FAM222A: variants seen among roughly 807,000 people sequenced by gnomAD.
FAM222A encodes the protein protein FAM222A.
A neutral mutation model predicts 25.8 loss-of-function variants in FAM222A; 7 were observed. That is an observed-to-expected ratio of 0.27 (90% CI 0.15 to 0.51). The LOEUF is 0.51. Ranked by LOEUF, FAM222A falls within the 20% of genes least tolerant of loss-of-function variation. The pLI, the probability that FAM222A is intolerant of heterozygous loss-of-function variation, is 0.97. For missense variants in FAM222A, 573 were observed against 640.5 expected (o/e 0.89, Z 1.14); for synonymous variants, 294 against 298.8 (o/e 0.98, Z 0.17).
intron 1 of FAM222A, among the ~76,000 whole-genome samples, chr12:109,726,333 C>T (rs1764794007): frequency 6.6e-6 from 1 of 152,076 alleles, no homozygotes; most frequent in Non-Finnish European, 1.5e-5. Flanking sequence ...CCTGCTGGGG[C>T]CTGGGGACAT....
intron 2 of FAM222A, among the ~76,000 whole-genome samples, chr12:109,755,488 C>CCAGCT (rs1888700068): frequency 6.6e-6 from 1 of 151,562 alleles, no homozygotes. Flanking sequence ...GCCACCATGG[C>CCAGCT]CAGCTAATTT....
chr12:109,750,426 G>C (rs1461874158), intron 2 of FAM222A, among the ~76,000 whole-genome samples: 1 of 152,202 alleles, frequency 6.6e-6, no homozygotes, highest in Non-Finnish European at 1.5e-5. Context: ...AGCACTTTGG[G>C]AGGCCAAGGT....
At chr12:109,719,866 A>C (rs745629763) in intron 1 of FAM222A, among the ~76,000 whole-genome samples, 4 of 152,180 alleles carry the variant, frequency 2.6e-5, no homozygotes, top group Non-Finnish European at 5.9e-5. Context: ...GGGGCCAGCT[A>C]AGATCCCAGT....
intron 1 of FAM222A, among the ~76,000 whole-genome samples, chr12:109,737,112 C>G (rs1799112424): frequency 6.6e-6 from 1 of 152,060 alleles, no homozygotes; most frequent in Non-Finnish European, 1.5e-5. Flanking sequence ...CCCTCAGGAA[C>G]CCGGACTCCA....
intron 2 of FAM222A, among the ~76,000 whole-genome samples, chr12:109,747,422 G>T (rs909352085): frequency 6.6e-6 from 1 of 152,110 alleles, no homozygotes; most frequent in Non-Finnish European, 1.5e-5. Flanking sequence ...ATTTGGTAGA[G>T]GTTGTTGCTC....
chr12:109,756,692 A>G (rs1248254745), intron 2 of FAM222A, among the ~76,000 whole-genome samples: 5 of 152,172 alleles, frequency 3.3e-5, no homozygotes, highest in Admixed American at 2.0e-4. Context: ...CATTCCTGGG[A>G]TAAGTCCCAC....
At chr12:109,744,301 C>A in intron 2 of FAM222A, 73 bp downstream of exon 2, 1 of 1,531,476 alleles carries the variant, frequency 6.5e-7, no homozygotes, top group Non-Finnish European at 8.8e-7. Context: ...CCCAGGATGT[C>A]CACCTACCAT....
chr12:109,733,447 G>A (rs1323665843), intron 1 of FAM222A, among the ~76,000 whole-genome samples: 1 of 151,760 alleles, frequency 6.6e-6, no homozygotes, highest in Non-Finnish European at 1.5e-5. Context: ...TGTCACCCAG[G>A]CTGGAGTGCA....
At chr12:109,722,786 G>A (rs902703322) in intron 1 of FAM222A, 2 of 152,248 alleles carry the variant, frequency 1.3e-5, no homozygotes, top group East Asian at 3.8e-4. Context: ...ATGAAGGTTC[G>A]TGACCATTTT....
chr12:109,755,078 C>G (rs755368136), intron 2 of FAM222A, among the ~76,000 whole-genome samples: 1 of 152,128 alleles, frequency 6.6e-6, no homozygotes, highest in Non-Finnish European at 1.5e-5. Context: ...AATATTTTCT[C>G]CCATTCTGGA....
chr12:109,755,430 G>A (rs1007631134), intron 2 of FAM222A, among the ~76,000 whole-genome samples: 2 of 150,564 alleles, frequency 1.3e-5, no homozygotes, highest in African/African-American at 4.9e-5. Flanking sequence ...CCGAGTTCAA[G>A]TGATTCTCCT....
At chr12:109,743,988 C>T in intron 1 of FAM222A, 113 bp from the exon 2 acceptor site, 3 of 1,424,586 alleles carry the variant, frequency 2.1e-6, no homozygotes, top group African/African-American at 1.4e-5. Flanking sequence ...TGGGTGTCTG[C>T]TTTGAGAGTC....
intron 1 of FAM222A, among the ~76,000 whole-genome samples, chr12:109,717,799 C>G (rs996815024): frequency 1.3e-5 from 2 of 152,228 alleles, no homozygotes; most frequent in African/African-American, 4.8e-5. Context: ...ATCCTTCTCA[C>G]TTATCTAATT....
intron 2 of FAM222A, among the ~76,000 whole-genome samples, chr12:109,756,408 T>TTTTTTTTTTA (rs1888728923): frequency 8.4e-6 from 1 of 118,392 alleles, no homozygotes; most frequent in African/African-American, 2.9e-5. Flanking sequence ...TTTTTTTTTT[T>TTTTTTTTTTA]TGTCTAATTG....
At chr12:109,728,206 G>A (rs1356932019) in intron 1 of FAM222A, among the ~76,000 whole-genome samples, 2 of 152,152 alleles carry the variant, frequency 1.3e-5, no homozygotes. Flanking sequence ...GGTCGTGGGT[G>A]TTGAAGTCTC....
chr12:109,714,896 C>G lies in FAM222A; in HGVS notation c.-48C>G, dbSNP rs1314890390. ...GTGCCCTTCGACGGCCTGGCTGATCCGGTGAGTTGTGCGGGGCGGGGTTCT... is the reference window on the plus strand; with the variant it reads ...GTGCCCTTCGACGGCCTGGCTGATCGGGTGAGTTGTGCGGGGCGGGGTTCT... On this transcript the variant is annotated splice_region_variant and 5_prime_UTR_variant, in exon 1 of 3. Transcript: ENST00000538780. This position sits in a 1 kb window ranked among gnomAD's most constrained non-coding sequence, Gnocchi z 4.2. The G allele has an allele frequency of 1.3e-5, 2 of 153,020 alleles. No homozygotes were observed. Among genetic ancestry groups the G allele is most frequent in the African/African-American group, 4.8e-5 (2 of 41,480 alleles). The allele number at this position is 153,020 out of a possible 1,614,324, so 9.5% of individuals were successfully genotyped here.
intron 2 of FAM222A, among the ~76,000 whole-genome samples, chr12:109,749,090 T>TTGTG (rs920642601): frequency 7.2e-5 from 11 of 152,114 alleles, no homozygotes; most frequent in Admixed American, 3.3e-4. Flanking sequence ...AGTAGGTGTT[T>TTGTG]TGTGTGTGTG....
At chr12:109,751,603 T>C (rs1198352233) in intron 2 of FAM222A, among the ~76,000 whole-genome samples, 1 of 152,222 alleles carries the variant, frequency 6.6e-6, no homozygotes, top group Non-Finnish European at 1.5e-5. Context: ...TTCCTATGTG[T>C]GCTTATTTAT....
In FAM222A at chr12:109,716,829, AG is replaced by A. The variant is rs373538981; in HGVS notation, c.-47+1934del. On this transcript the variant is annotated intron_variant, in intron 1 of 2. Coordinates refer to ENST00000538780, the MANE Select transcript of FAM222A (RefSeq NM_032829.3). ...GCACTCAGCGTGCCAGACGATGAGC[AG>A]GAGGGAGTGCCAGCTTTCTCAGCAT... Among the ~76,000 whole-genome samples the A allele has an allele frequency of 2.4e-3, 365 of 152,358 alleles. 1 individual carries two copies. Among genetic ancestry groups the A allele is most frequent in the African/African-American group, 8.4e-3 (349 of 41,590 alleles).
Sources: gnomAD v4.1 joint callset for allele counts (sites outside exome capture counted in the v4.1 genomes callset) on GRCh38, gnomAD v4.1.1 for gene constraint, Gnocchi (gnomAD v3.1) non-coding constraint, MANE v1.5 for transcripts, NCBI Gene and HGNC (gene_info 2026-07-23, HGNC 2026-07-21) for gene names.